Variants in ESR1 observed in about 807,000 individuals in gnomAD.
The protein encoded by ESR1 is estrogen receptor.
A neutral mutation model predicts 52.7 loss-of-function variants in ESR1; 12 were observed. The observed-to-expected ratio is 0.23, with a 90% CI of 0.15 to 0.37. ESR1 has a LOEUF of 0.37. Among genes scored for constraint, ESR1 ranks in the 10% least tolerant of loss-of-function variants. The pLI is 1.00. For synonymous variants in ESR1, 305 were observed against 316.8 expected (o/e 0.96, Z 0.39); for missense variants, 584 against 779.7 (o/e 0.75, Z 2.99).
chr6:151,943,359 G>A (rs1406226211), intron 3 of ESR1, among the ~76,000 whole-genome samples: 2 of 148,888 alleles, frequency 1.3e-5, no homozygotes, highest in Admixed American at 1.4e-4. Flanking sequence ...CAGCCTGGGT[G>A]ACACAGCGAG....
At chr6:151,720,576 C>A (rs78455198) in intron 2 of ESR1, among the ~76,000 whole-genome samples, 30 of 152,218 alleles carry the variant, frequency 2.0e-4, no homozygotes, top group Non-Finnish European at 4.3e-4. Context: ...ATTAGAAAAA[C>A]CTTTATTAAC....
chr6:152,122,411 C>A (rs771432556), intron 6 of ESR1: 1 of 1,613,908 alleles, frequency 6.2e-7, no homozygotes, highest in Non-Finnish European at 8.5e-7. Flanking sequence ...GCTACCAGCA[C>A]TTCTGCAGAT....
At chr6:152,126,885 T>C (rs1249493525) in exon 7 of ESR1, 13 of 152,258 alleles carry the variant, frequency 8.5e-5, no homozygotes, top group Admixed American at 7.8e-4. Flanking sequence ...ATTTCGTGCA[T>C]GCATCATTTA....
chr6:152,018,647 CAA>C (rs938027536), intron 5 of ESR1, among the ~76,000 whole-genome samples: 1 of 152,056 alleles, frequency 6.6e-6, no homozygotes, highest in African/African-American at 2.4e-5. Flanking sequence ...ATCCTTTCAG[CAA>C]AGTCAGTCCT....
chr6:151,729,225 G>A (rs1175387802), intron 2 of ESR1, among the ~76,000 whole-genome samples: 2 of 152,212 alleles, frequency 1.3e-5, no homozygotes, highest in South Asian at 4.2e-4. Context: ...CAGCATTTAG[G>A]GACACAGCAA....
Position 152,061,019 on chromosome 6 carries a change from G to A in ESR1, c.1264G>A (p.Val422Met), listed in dbSNP as rs2128957830. 1 of 1,612,446 alleles carries A rather than the reference G, an allele frequency of 6.2e-7. No individual in the cohort carries two copies. Among genetic ancestry groups the A allele is most frequent in the Non-Finnish European group, 8.5e-7 (1 of 1,178,960 alleles). ...RNQGKCVEGM[V>M]EIFDMLLATS... ...CCAGGGAAAATGTGTAGAGGGCATG[G>A]TGGAGATCTTCGACATGCTGCTGGC... The change falls in exon 6 of 8, where the codon GTG becomes ATG. Residue 422 changes from valine to methionine, a missense_variant. Coordinates refer to ENST00000206249, the MANE Select transcript of ESR1 (RefSeq NM_000125.4). This position sits in a 1 kb window ranked among gnomAD's most constrained non-coding sequence, Gnocchi z 4.3.
chr6:152,016,171 C>T (rs942424283), intron 5 of ESR1, among the ~76,000 whole-genome samples: 1 of 152,144 alleles, frequency 6.6e-6, no homozygotes, highest in Non-Finnish European at 1.5e-5. Flanking sequence ...TTTGCTCCTC[C>T]TTGCCTTCCG....
chr6:151,897,139 T>C (rs989696248), intron 3 of ESR1, among the ~76,000 whole-genome samples: 29 of 152,208 alleles, frequency 1.9e-4, no homozygotes, highest in Admixed American at 1.0e-3. Flanking sequence ...CGCTGATGAA[T>C]AGAATGTATA....
chr6:151,959,261 A>C (rs2037375748), intron 4 of ESR1, among the ~76,000 whole-genome samples: 2 of 152,092 alleles, frequency 1.3e-5, no homozygotes, highest in African/African-American at 4.8e-5. Context: ...TCTTTGTTTG[A>C]ATTATGTCAT....
rs77366480 is a variant in ESR1 at position 151,915,871 on chromosome 6, A to G, written c.761-28302A>G. On this transcript the variant is annotated intron_variant, in intron 3 of 7. Transcript: ENST00000206249. ...TTTCTCTCTCTCTCTCTCTCTCTCT[A>G]TAGGAAACCAGTAGTTATGTCAGGT... 4.0e-5 allele frequency among the ~76,000 whole-genome samples: 6 copies of G among 150,420 alleles called. No homozygotes were observed. In the South Asian group the frequency reaches 6.3e-4, roughly 16 times the overall value.
At chr6:151,905,865 C>T (rs2128419967) in intron 3 of ESR1, among the ~76,000 whole-genome samples, 1 of 152,282 alleles carries the variant, frequency 6.6e-6, no homozygotes, top group African/African-American at 2.4e-5. Context: ...GTCCCACAAT[C>T]ATGCCTGAAA....
At chr6:151,975,417 T>A (rs965912300) in intron 4 of ESR1, among the ~76,000 whole-genome samples, 1 of 152,122 alleles carries the variant, frequency 6.6e-6, no homozygotes, top group Non-Finnish European at 1.5e-5. Flanking sequence ...TAGGGTTCTC[T>A]GGAGAAACAG....
At position 151,734,036 on chromosome 6, in the gene ESR1, G is replaced by A. The variant is rs892315928; in HGVS notation, c.-71+32031G>A. 9.2e-5 allele frequency among the ~76,000 whole-genome samples: 14 copies of A among 152,176 alleles called. 1 individual carries two copies. The highest frequency in any genetic ancestry group is 4.1e-4 in the South Asian group (2 of 4,824). Reference sequence around the variant, plus strand: ...GAGAGTTCACTCAATTTCCAACTGCGTATGAAGCTCTTGAGTCAGATTTTT... The same window carrying A: ...GAGAGTTCACTCAATTTCCAACTGCATATGAAGCTCTTGAGTCAGATTTTT... On this transcript the variant is annotated intron_variant, in intron 2 of 2. Coordinates refer to the ESR1 transcript ENST00000404742.
At chr6:151,804,165 A>C (rs1205878084), upstream of ESR1, among the ~76,000 whole-genome samples, 1 of 152,306 alleles carries the variant, frequency 6.6e-6, no homozygotes, top group African/African-American at 2.4e-5. Flanking sequence ...ACCCATGCTC[A>C]CCAAGCCCAG....
chr6:151,796,046 G>C (rs1452218171), intron 2 of ESR1, among the ~76,000 whole-genome samples: 1 of 151,178 alleles, frequency 6.6e-6, no homozygotes, highest in Non-Finnish European at 1.5e-5. Context: ...GGTGCCTGTA[G>C]TCCCAGCTAC....
At chr6:152,004,587 A>G (rs2042194634) in intron 4 of ESR1, among the ~76,000 whole-genome samples, 2 of 152,020 alleles carry the variant, frequency 1.3e-5, no homozygotes, top group Admixed American at 6.6e-5. Flanking sequence ...TAGAATTATC[A>G]TAAACAATCC....
At chr6:151,935,810 T>G (rs994621294) in intron 3 of ESR1, among the ~76,000 whole-genome samples, 15 of 152,242 alleles carry the variant, frequency 9.9e-5, no homozygotes, top group African/African-American at 3.4e-4. Context: ...AAATCTCTCC[T>G]TGGTCATCAG....
intron 6 of ESR1, among the ~76,000 whole-genome samples, chr6:152,119,665 G>A (rs1434303252): frequency 6.6e-6 from 1 of 152,158 alleles, no homozygotes; most frequent in African/African-American, 2.4e-5. Flanking sequence ...TGTCCTCACT[G>A]CAGAAATGGA....
intron 1 of ESR1, among the ~76,000 whole-genome samples, chr6:151,667,260 A>T (rs1190228091): frequency 6.6e-6 from 1 of 152,196 alleles, no homozygotes; most frequent in East Asian, 1.9e-4. Context: ...TTTATTAAAA[A>T]TTGTTTTTTA....
Sources: gnomAD v4.1 joint callset for allele counts (sites outside exome capture counted in the v4.1 genomes callset) on GRCh38, gnomAD v4.1.1 for gene constraint, Gnocchi (gnomAD v3.1) non-coding constraint, MANE v1.5 for transcripts, NCBI Gene and HGNC (gene_info 2026-07-23, HGNC 2026-07-21) for gene names.